The following SLC41A3 variants were observed in gnomAD, a reference collection of about 807,000 sequenced individuals.
SLC41A3 encodes solute carrier family 41 member 3, also known as SLC41A1-like 2.
In SLC41A3, 44 loss-of-function variants were observed where a neutral mutation model predicts 45.4. The observed-to-expected ratio is 0.97, with a 90% CI of 0.76 to 1.25. The LOEUF is 1.25. Ranked by LOEUF, SLC41A3 falls within the 50% of genes most tolerant of loss-of-function variation. SLC41A3 has a pLI of 0.00. For synonymous variants in SLC41A3, 256 were observed against 252.4 expected (o/e 1.01, Z -0.13); for missense variants, 550 against 600.6 (o/e 0.92, Z 0.88).
At chr3:126,033,511 G>A (rs1941955238) in intron 4 of SLC41A3, 96 bp downstream of exon 4, 4 of 1,343,048 alleles carry the variant, frequency 3.0e-6, no homozygotes, top group South Asian at 2.5e-5. Context: ...TCAGGCCAGA[G>A]TGCAGGGACA....
At chr3:126,099,705 G>T (rs142763081) in intron 1 of SLC41A3, among the ~76,000 whole-genome samples, 136 of 152,290 alleles carry the variant, frequency 8.9e-4, no homozygotes, top group African/African-American at 3.2e-3. Context: ...AATAAATAAA[G>T]AGGGTAGAAT....
At chr3:126,007,375 GC>G in intron 10 of SLC41A3, 150 bp from the exon 11 acceptor site, 1 of 830,234 alleles carries the variant, frequency 1.2e-6, no homozygotes. Context: ...GGGGTCTGAA[GC>G]CCAGCTCCGA....
intron 2 of SLC41A3, among the ~76,000 whole-genome samples, chr3:126,066,762 G>A (rs966802644): frequency 6.6e-6 from 1 of 152,172 alleles, no homozygotes; most frequent in Non-Finnish European, 1.5e-5. Context: ...TTTACCTTGA[G>A]TTGATAGCAG....
intron 1 of SLC41A3, among the ~76,000 whole-genome samples, chr3:126,096,433 A>G (rs895866793): frequency 6.6e-6 from 1 of 152,054 alleles, no homozygotes; most frequent in Non-Finnish European, 1.5e-5. Flanking sequence ...AAAACTGGCC[A>G]TAAACAAAAT....
chr3:126,086,424 T>TTTTTTTTTTTTTTTTTTTTTTTTTG (rs1945393220), upstream of SLC41A3, among the ~76,000 whole-genome samples: 1 of 146,490 alleles, frequency 6.8e-6, no homozygotes, highest in Non-Finnish European at 1.5e-5. Flanking sequence ...TTTTTTTTTT[T>TTTTTTTTTTTTTTTTTTTTTTTTTG]TTTTTTTTTT....
intron 6 of SLC41A3, among the ~76,000 whole-genome samples, chr3:126,022,041 A>C (rs1284196495): frequency 1.3e-5 from 2 of 152,198 alleles, no homozygotes; most frequent in East Asian, 3.9e-4. Context: ...GAAGCAAACA[A>C]CACACTTGAT....
intron 5 of SLC41A3, chr3:126,023,754 G>A (rs1004198133): frequency 6.6e-6 from 1 of 152,154 alleles, no homozygotes; most frequent in Admixed American, 6.5e-5. Flanking sequence ...TGCTCTGAAG[G>A]GGACTATCAC....
chr3:126,065,833 C>A (rs770679214), intron 2 of SLC41A3, among the ~76,000 whole-genome samples: 2 of 152,134 alleles, frequency 1.3e-5, no homozygotes. Flanking sequence ...ATATACAAAG[C>A]CCCTAGGTAT....
intron 2 of SLC41A3, among the ~76,000 whole-genome samples, chr3:126,065,488 G>A (rs1009886597): frequency 2.6e-5 from 4 of 152,210 alleles, no homozygotes; most frequent in South Asian, 2.1e-4. Context: ...AGACCAGCAC[G>A]ACAGCTGTGT....
intron 10 of SLC41A3, 92 bp from the exon 11 acceptor site, chr3:126,007,317 A>G: frequency 7.2e-7 from 1 of 1,395,000 alleles, no homozygotes; most frequent in Non-Finnish European, 9.8e-7. Flanking sequence ...GAGAGATACC[A>G]AGGTGGACAG....
intron 3 of SLC41A3, among the ~76,000 whole-genome samples, chr3:126,044,895 CAAAAAAAAAAAA>C (rs57581225): frequency 1.3e-4 from 11 of 82,720 alleles, no homozygotes; most frequent in Admixed American, 2.5e-4. Flanking sequence ...GACTCCATCT[CAAAAAAAAAAAA>C]AAAAAAAAAA....
Position 126,068,175 on chromosome 3 carries a change from G to A in SLC41A3, c.45C>T (p.Gly15=), listed in dbSNP as rs1417716844. 1 of 1,584,026 alleles carries A rather than the reference G, an allele frequency of 6.3e-7. No individual in the cohort carries two copies. The highest frequency in any genetic ancestry group is 1.2e-5 in the South Asian group (1 of 86,878). ...ETRQRRLDSC[G]KPGELGLPHP... ...GAGGAAGCCCCAGCTCCCCTGGCTT[G>A]CCACAGCTGTCCAGCCTCCGCTGCC... Residue 15 remains glycine, a synonymous_variant, in exon 2 of 11, where the codon GGC becomes GGT. Coordinates refer to ENST00000360370, the MANE Select transcript of SLC41A3 (RefSeq NM_017836.4).
intron 2 of SLC41A3, among the ~76,000 whole-genome samples, chr3:126,059,310 G>GAAAGAAAGAAAGAAA (rs1553740822): frequency 3.4e-5 from 3 of 88,078 alleles, no homozygotes; most frequent in Admixed American, 1.2e-4. Flanking sequence ...AAGAAAGAAA[G>GAAAGAAAGAAAGAAA]GAAGGATGAT....
At chr3:126,092,098 T>C (rs1334446543) in intron 1 of SLC41A3, among the ~76,000 whole-genome samples, 1 of 152,230 alleles carries the variant, frequency 6.6e-6, no homozygotes, top group Non-Finnish European at 1.5e-5. Context: ...CTGGTCCTGC[T>C]GGGAACAGGC....
intron 1 of SLC41A3, among the ~76,000 whole-genome samples, chr3:126,076,780 C>T (rs1281059261): frequency 6.6e-6 from 1 of 152,144 alleles, no homozygotes; most frequent in African/African-American, 2.4e-5. Flanking sequence ...GTGTGCAGCC[C>T]TAAGTGTTAC....
At chr3:126,047,679 G>A (rs539502189) in intron 3 of SLC41A3, among the ~76,000 whole-genome samples, 35 of 152,256 alleles carry the variant, frequency 2.3e-4, no homozygotes, top group Middle Eastern at 3.4e-3. Context: ...CTGGGAAAAC[G>A]AAATATCCAC....
intron 1 of SLC41A3, chr3:126,070,056 G>C (rs1253044528): frequency 1.3e-5 from 2 of 151,248 alleles, no homozygotes; most frequent in Admixed American, 1.3e-4. Context: ...AAAAATAATG[G>C]GCAAAAACTT....
At chr3:126,055,120 T>C (rs1943574082) in intron 2 of SLC41A3, among the ~76,000 whole-genome samples, 1 of 151,942 alleles carries the variant, frequency 6.6e-6, no homozygotes, top group African/African-American at 2.4e-5. Context: ...AGACTCTGAG[T>C]GGCCATTAGG....
chr3:126,099,726 A>C (rs1945671431), intron 1 of SLC41A3, among the ~76,000 whole-genome samples: 1 of 152,240 alleles, frequency 6.6e-6, no homozygotes, highest in African/African-American at 2.4e-5. Flanking sequence ...GAAGATATTC[A>C]GGTAGTTAAG....
Sources: allele counts gnomAD v4.1 joint callset (sites outside exome capture counted in the v4.1 genomes callset), GRCh38; gene constraint gnomAD v4.1.1; transcripts MANE v1.5; gene names NCBI Gene and HGNC (gene_info 2026-07-23, HGNC 2026-07-21).